The following CLSTN2 variants were observed in gnomAD, a reference collection of about 807,000 sequenced individuals.
CLSTN2 encodes the protein calsyntenin-2.
Under a neutral mutation model 101.2 loss-of-function variants are expected in CLSTN2, and 48 were observed. The ratio of observed to expected loss-of-function variants is 0.47; its 90% confidence interval spans 0.38 to 0.60. The LOEUF is 0.60. CLSTN2 is among the 20% of genes least tolerant of loss of function. The pLI, the probability that CLSTN2 is intolerant of heterozygous loss-of-function variation, is 0.00. For missense variants in CLSTN2, 1,160 were observed against 1,238.2 expected (o/e 0.94, Z 0.95); for synonymous variants, 481 against 463.6 (o/e 1.04, Z -0.48).
intron 1 of CLSTN2, among the ~76,000 whole-genome samples, chr3:139,944,733 C>T (rs965014632): frequency 4.6e-5 from 7 of 152,358 alleles, no homozygotes; most frequent in African/African-American, 1.4e-4. Flanking sequence ...CTGCAGGGCT[C>T]TGTGCCCATG....
At chr3:140,137,575 G>C (rs2009633486) in intron 1 of CLSTN2, among the ~76,000 whole-genome samples, 1 of 152,184 alleles carries the variant, frequency 6.6e-6, no homozygotes, top group Admixed American at 6.5e-5. Context: ...GTCTAGCCCA[G>C]GGATTGTCAT....
At chr3:140,133,585 A>G (rs2009555554) in intron 1 of CLSTN2, among the ~76,000 whole-genome samples, 1 of 152,184 alleles carries the variant, frequency 6.6e-6, no homozygotes. Flanking sequence ...TTCCTCCCAC[A>G]ACATCTGAAG....
intron 8 of CLSTN2, among the ~76,000 whole-genome samples, chr3:140,515,824 A>G (rs138959267): frequency 2.0e-3 from 306 of 152,192 alleles, no homozygotes; most frequent in African/African-American, 6.8e-3. Flanking sequence ...GCCGATGAGT[A>G]GAATGTTCTG....
chr3:140,267,252 T>C (rs1385235837), intron 2 of CLSTN2, among the ~76,000 whole-genome samples: 1 of 152,178 alleles, frequency 6.6e-6, no homozygotes, highest in East Asian at 1.9e-4. Flanking sequence ...AAACCTCATA[T>C]CTTTCCTTAA....
chr3:140,353,528 C>T (rs2107944293), intron 2 of CLSTN2, among the ~76,000 whole-genome samples: 1 of 152,242 alleles, frequency 6.6e-6, no homozygotes, highest in Admixed American at 6.5e-5. Flanking sequence ...CTGCCTTCCC[C>T]AGCCCACTGA....
chr3:140,115,923 G>A (rs566282734), intron 1 of CLSTN2, among the ~76,000 whole-genome samples: 2 of 152,282 alleles, frequency 1.3e-5, no homozygotes, highest in South Asian at 2.1e-4. Flanking sequence ...CTAAGAAATC[G>A]GATCGGTTGA....
intron 1 of CLSTN2, among the ~76,000 whole-genome samples, chr3:139,937,301 T>C (rs1457788214): frequency 2.0e-5 from 3 of 151,932 alleles, no homozygotes; most frequent in Admixed American, 1.3e-4. Context: ...GGAAGCTTCA[T>C]AGAGGTAAGC....
intron 2 of CLSTN2, among the ~76,000 whole-genome samples, chr3:140,273,937 A>G (rs892550653): frequency 1.3e-5 from 2 of 152,098 alleles, no homozygotes; most frequent in African/African-American, 4.8e-5. Context: ...ACAACAGGGG[A>G]TGTTTGATAG....
intron 3 of CLSTN2, among the ~76,000 whole-genome samples, chr3:140,404,291 G>A (rs2088279153): frequency 6.6e-6 from 1 of 152,214 alleles, no homozygotes; most frequent in Non-Finnish European, 1.5e-5. Flanking sequence ...AGGGAGGAAT[G>A]AACAGTAAAC....
At chr3:140,484,277 T>G (rs1208810511) in intron 8 of CLSTN2, among the ~76,000 whole-genome samples, 1 of 152,226 alleles carries the variant, frequency 6.6e-6, no homozygotes, top group Non-Finnish European at 1.5e-5. Context: ...TCTTTAAGAA[T>G]GTCGAATATT....
At chr3:140,413,426 A>G (rs1343967350) in intron 4 of CLSTN2, among the ~76,000 whole-genome samples, 1 of 152,152 alleles carries the variant, frequency 6.6e-6, no homozygotes, top group African/African-American at 2.4e-5. Context: ...TATCCCATCA[A>G]AGAAAATCCC....
chr3:139,945,697 C>T (rs1039891032), intron 1 of CLSTN2, among the ~76,000 whole-genome samples: 2 of 152,108 alleles, frequency 1.3e-5, no homozygotes, highest in Non-Finnish European at 2.9e-5. Context: ...TTCCAATTTG[C>T]GTGGATAACT....
intron 1 of CLSTN2, among the ~76,000 whole-genome samples, chr3:140,138,157 A>G (rs1008028614): frequency 2.6e-5 from 4 of 152,194 alleles, no homozygotes; most frequent in Non-Finnish European, 5.9e-5. Flanking sequence ...AAAAGCTAAC[A>G]GTACAATAGA....
chr3:139,943,022 C>G (rs557169850), intron 1 of CLSTN2, among the ~76,000 whole-genome samples: 73 of 152,264 alleles, frequency 4.8e-4, no homozygotes, highest in African/African-American at 1.7e-3. Flanking sequence ...CCTCCTACCC[C>G]ACCCAAGGCT....
In CLSTN2 at chr3:140,401,941, C is replaced by A. The variant is rs73867152; in HGVS notation, c.233-1688C>A. ...CCCAAAAAACGGAAGTGAATGGGAA[C>A]TAGCCTTCTTACTGGAACTGGGTCC... On this transcript the variant is annotated intron_variant, in intron 2 of 16. Coordinates refer to ENST00000458420, the MANE Select transcript of CLSTN2 (RefSeq NM_022131.3). Among the ~76,000 whole-genome samples, 371 of 152,252 alleles carry A rather than the reference C, an allele frequency of 2.4e-3. 3 individuals are homozygous for A. The highest frequency in any genetic ancestry group is 8.7e-3 in the African/African-American group (361 of 41,536).
intron 2 of CLSTN2, among the ~76,000 whole-genome samples, chr3:140,195,384 T>C (rs1211970925): frequency 2.0e-5 from 3 of 152,228 alleles, no homozygotes; most frequent in Non-Finnish European, 4.4e-5. Flanking sequence ...GTGTCATTTC[T>C]TGGGTCTCAA....
At chr3:140,304,022 C>T (rs1487437614) in intron 2 of CLSTN2, among the ~76,000 whole-genome samples, 1 of 152,044 alleles carries the variant, frequency 6.6e-6, no homozygotes, top group Non-Finnish European at 1.5e-5. Context: ...AAAACCTACT[C>T]ATTTGGGTGG....
chr3:140,085,545 C>T lies in CLSTN2; in HGVS notation c.110-90406C>T, dbSNP rs116833681. Among the ~76,000 whole-genome samples, 1,030 of 152,212 alleles carry T rather than the reference C, an allele frequency of 6.8e-3. 12 individuals carry two copies. The highest frequency in any genetic ancestry group is 0.023 in the African/African-American group (972 of 41,526). On this transcript the variant is annotated intron_variant, in intron 1 of 16. Transcript: ENST00000458420. ...CATCTTCTCACCTTTAATGAGAATC[C>T]AAATCCTCTGGGGGCAATTTACTAT...
intron 8 of CLSTN2, among the ~76,000 whole-genome samples, chr3:140,504,415 A>G (rs1275552813): frequency 3.3e-5 from 5 of 151,996 alleles, no homozygotes; most frequent in African/African-American, 7.2e-5. Flanking sequence ...TTTTTCTGTC[A>G]TAGTGAGTAA....
Sources: gnomAD v4.1 joint callset for allele counts (sites outside exome capture counted in the v4.1 genomes callset) on GRCh38, gnomAD v4.1.1 for gene constraint, MANE v1.5 for transcripts, NCBI Gene and HGNC (gene_info 2026-07-23, HGNC 2026-07-21) for gene names.